The following PCDH15 variants were observed in gnomAD, a reference collection of about 807,000 sequenced individuals.
PCDH15 encodes protocadherin related 15.
PCDH15 carries 129 observed loss-of-function variants against 178.5 expected under a neutral mutation model. The observed-to-expected ratio is 0.72, with a 90% confidence interval of 0.63 to 0.84. PCDH15 has a LOEUF of 0.84. PCDH15 is among the 40% of genes least tolerant of loss of function. PCDH15 has a pLI of 0.00. For missense variants in PCDH15, 2,230 were observed against 2,099.9 expected, an observed-to-expected ratio of 1.06 and a Z score of -1.21; for synonymous variants, 800 against 732.0, an observed-to-expected ratio of 1.09 and a Z score of -1.50.
chr10:54,664,356 T>C, intron 1 of PCDH15, 66 bp from the exon 2 acceptor site: 1 of 1,000,984 alleles, frequency 1.0e-6, no homozygotes, highest in East Asian at 2.6e-5. Flanking sequence ...GTAAACACAA[T>C]TGTCACAGCA....
chr10:53,908,150 G>C (rs373825420), intron 25 of PCDH15, among the ~76,000 whole-genome samples: 1 of 152,190 alleles, frequency 6.6e-6, no homozygotes, highest in African/African-American at 2.4e-5. Flanking sequence ...AGTCACAACA[G>C]TGTGGATAGG....
chr10:55,144,016 G>A (rs200787510), intron 2 of PCDH15, among the ~76,000 whole-genome samples: 4 of 149,970 alleles, frequency 2.7e-5, no homozygotes, highest in Admixed American at 6.6e-5. Flanking sequence ...GGTGTAAGGG[G>A]AAAAAAAACA....
chr10:54,244,974 G>A (rs772987360), intron 8 of PCDH15, among the ~76,000 whole-genome samples: 4 of 152,134 alleles, frequency 2.6e-5, no homozygotes, highest in Non-Finnish European at 5.9e-5. Flanking sequence ...CCCATTGTGT[G>A]CTCTCATCAG....
chr10:53,806,956 G>A lies in PCDH15; in HGVS notation c.4846C>T (p.Arg1616Cys), dbSNP rs773818796. ...TTTAAGTTGTCCGTGAGGCAGGCAC[G>A]GCGGGTTCTCACCACAGAACCATTC... ...AQNGSVVRTR[R>C]ACLTDNLKVA... The change falls in exon 38 of 38, where the codon CGT (arginine) becomes TGT (cysteine). Residue 1616 changes from arginine to cysteine, a missense_variant. Arg to Cys is a radical substitution (Grantham distance 180, BLOSUM62 -3). Coordinates refer to ENST00000644397, the MANE Select transcript of PCDH15 (RefSeq NM_001384140.1). The A allele has an allele frequency of 3.1e-6, 5 of 1,613,660 alleles. No individual in the cohort carries two copies. Among genetic ancestry groups the A allele is most frequent in the African/African-American group, 2.7e-5 (2 of 74,868 alleles).
chr10:53,850,589 T>C (rs2078292037), intron 28 of PCDH15, among the ~76,000 whole-genome samples: 1 of 152,170 alleles, frequency 6.6e-6, no homozygotes, highest in Non-Finnish European at 1.5e-5. Flanking sequence ...TAGTAAATTA[T>C]ACCTTGAATA....
At chr10:55,099,366 C>T (rs1842523501) in intron 2 of PCDH15, among the ~76,000 whole-genome samples, 1 of 151,886 alleles carries the variant, frequency 6.6e-6, no homozygotes, top group Non-Finnish European at 1.5e-5. Flanking sequence ...AGAAACTGGA[C>T]TTGACTATCA....
chr10:53,855,296 A>T (rs1361540027), intron 28 of PCDH15, among the ~76,000 whole-genome samples: 1 of 152,074 alleles, frequency 6.6e-6, no homozygotes, highest in African/African-American at 2.4e-5. Context: ...AGACAACGGA[A>T]TCAGAGAAAG....
Position 54,698,229 on chromosome 10 carries a change from T to C in PCDH15, c.-28-33939A>G, listed in dbSNP as rs548856787. Among the ~76,000 whole-genome samples the C allele has an allele frequency of 3.9e-5, 6 of 152,212 alleles. No homozygotes were observed. The South Asian group carries it at 8.3e-4, about 21-fold the overall frequency. On this transcript the variant is annotated intron_variant, in intron 1 of 37. Transcript: ENST00000644397. Reference sequence around the variant, plus strand: ...TGGGATAAATGAAAGTTAAACACGTTTGGATATTAGGAGAGACAAGCTAAT... The same window carrying C: ...TGGGATAAATGAAAGTTAAACACGTCTGGATATTAGGAGAGACAAGCTAAT...
At chr10:54,856,213 T>A (rs1953740137) in intron 3 of PCDH15, among the ~76,000 whole-genome samples, 2 of 152,252 alleles carry the variant, frequency 1.3e-5, no homozygotes, top group African/African-American at 4.8e-5. Flanking sequence ...GCCACTAAAC[T>A]TCACAGTACA....
At chr10:54,262,389 A>G (rs1401664117) in intron 8 of PCDH15, among the ~76,000 whole-genome samples, 1 of 152,128 alleles carries the variant, frequency 6.6e-6, no homozygotes, top group Admixed American at 6.6e-5. Context: ...TTGCCTGTCA[A>G]CGCCTTCCCA....
chr10:54,274,888 C>G (rs2058264627), intron 8 of PCDH15, among the ~76,000 whole-genome samples: 1 of 151,630 alleles, frequency 6.6e-6, no homozygotes, highest in Non-Finnish European at 1.5e-5. Context: ...TATAAAAGAC[C>G]TATAGTGAAT....
At chr10:54,740,430 T>C (rs1382816526) in intron 1 of PCDH15, among the ~76,000 whole-genome samples, 3 of 151,878 alleles carry the variant, frequency 2.0e-5, no homozygotes, top group African/African-American at 7.2e-5. Flanking sequence ...TTGGTGGGAA[T>C]GTAAATTGGT....
At chr10:54,713,923 C>T (rs1026911428) in intron 1 of PCDH15, among the ~76,000 whole-genome samples, 1 of 152,074 alleles carries the variant, frequency 6.6e-6, no homozygotes, top group African/African-American at 2.4e-5. Flanking sequence ...ACAGAAGAAC[C>T]AAATGGCTCA....
chr10:54,854,884 C>T (rs1313771865), intron 3 of PCDH15, among the ~76,000 whole-genome samples: 1 of 152,182 alleles, frequency 6.6e-6, no homozygotes. Flanking sequence ...TTACTGGGGA[C>T]CCACCCCCTT....
intron 3 of PCDH15, among the ~76,000 whole-genome samples, chr10:54,811,311 G>T (rs1952858689): frequency 6.6e-6 from 1 of 151,868 alleles, no homozygotes. Context: ...ATTCTCCAGG[G>T]CCCAAGCACT....
intron 3 of PCDH15, among the ~76,000 whole-genome samples, chr10:54,488,164 T>C (rs1381517684): frequency 6.6e-6 from 1 of 151,872 alleles, no homozygotes; most frequent in Non-Finnish European, 1.5e-5. Context: ...TGAGCTAACA[T>C]TACTTTCACA....
intron 2 of PCDH15, among the ~76,000 whole-genome samples, chr10:54,939,534 A>T (rs1445117752): frequency 6.8e-6 from 1 of 147,744 alleles, no homozygotes; most frequent in East Asian, 2.0e-4. Context: ...TCAGTGATGT[A>T]ATTTGTAGGC....
At chr10:54,179,007 T>C (rs1408404652) in intron 13 of PCDH15, among the ~76,000 whole-genome samples, 1 of 152,180 alleles carries the variant, frequency 6.6e-6, no homozygotes, top group Non-Finnish European at 1.5e-5. Flanking sequence ...GAAGTCAGTG[T>C]GGTGATTCCT....
intron 8 of PCDH15, among the ~76,000 whole-genome samples, chr10:54,298,604 C>T (rs11498106): frequency 0.047 from 7,216 of 152,272 alleles, 569 homozygotes; most frequent in African/African-American, 0.17. Context: ...AGGCACACTG[C>T]CCCAGAGGGC....
Sources: gnomAD v4.1 joint callset for allele counts (sites outside exome capture counted in the v4.1 genomes callset) on GRCh38, gnomAD v4.1.1 for gene constraint, MANE v1.5 for transcripts, NCBI Gene and HGNC (gene_info 2026-07-23, HGNC 2026-07-21) for gene names.